GPC5: variants seen among roughly 807,000 people sequenced by gnomAD.
The protein encoded by GPC5 is glypican-5.
Under a neutral mutation model 53.9 loss-of-function variants are expected in GPC5, and 47 were observed. The ratio of observed to expected loss-of-function variants is 0.87; its 90% CI spans 0.69 to 1.11. The LOEUF is 1.11. GPC5 is among the 50% of genes most tolerant of loss of function. The probability of loss-of-function intolerance (pLI) is 0.00; values close to 1 mark genes in which losing one functional copy is unlikely to be tolerated. For synonymous variants in GPC5, 286 were observed against 263.3 expected (o/e 1.09, Z -0.84); for missense variants, 748 against 713.1 (o/e 1.05, Z -0.56).
intron 7 of GPC5, among the ~76,000 whole-genome samples, chr13:92,174,361 A>G (rs1373845499): frequency 8.1e-6 from 1 of 123,666 alleles, no homozygotes; most frequent in Non-Finnish European, 1.6e-5. Context: ...CTCTACTAAA[A>G]ACACAAAAAA....
rs936311525 is a variant in GPC5, at chr13:92,806,613, T to C, written c.1562-59669T>C. Among the ~76,000 whole-genome samples, 7 of 152,076 alleles carry C rather than the reference T, an allele frequency of 4.6e-5. No individual in the cohort carries two copies. The East Asian group carries it at 9.7e-4, about 21-fold the overall frequency. ...TATCAATGAAGCACCTAGAGGATAT[T>C]TTAGGGTTATTAATTAGCCTATTTT... On this transcript the variant is annotated intron_variant, in intron 7 of 7. Coordinates refer to ENST00000377067, the MANE Select transcript of GPC5 (RefSeq NM_004466.6).
At chr13:92,526,523 G>T (rs905375278) in intron 7 of GPC5, among the ~76,000 whole-genome samples, 4 of 152,000 alleles carry the variant, frequency 2.6e-5, no homozygotes, top group African/African-American at 9.7e-5. Flanking sequence ...GACCTTGTAA[G>T]GTAGGACCTT....
At chr13:92,034,638 C>T (rs369010115) in intron 6 of GPC5, among the ~76,000 whole-genome samples, 15 of 152,084 alleles carry the variant, frequency 9.9e-5, no homozygotes, top group African/African-American at 3.6e-4. Context: ...AGATGCTTAC[C>T]TGTATGTTCA....
chr13:92,474,466 C>G (rs1489606889), intron 7 of GPC5, among the ~76,000 whole-genome samples: 1 of 151,934 alleles, frequency 6.6e-6, no homozygotes, highest in Non-Finnish European at 1.5e-5. Context: ...AGTAATAGAT[C>G]TTCAAATTAT....
chr13:91,635,776 C>T (rs903044782), intron 2 of GPC5, among the ~76,000 whole-genome samples: 1 of 152,096 alleles, frequency 6.6e-6, no homozygotes, highest in Non-Finnish European at 1.5e-5. Flanking sequence ...GAGGTTTACA[C>T]TTGCAGATAA....
At chr13:92,597,017 C>T (rs2139075256) in intron 7 of GPC5, among the ~76,000 whole-genome samples, 1 of 152,260 alleles carries the variant, frequency 6.6e-6, no homozygotes, top group East Asian at 1.9e-4. Context: ...TTATTAATTT[C>T]CCCCTCTTCA....
chr13:91,615,378 T>C (rs1235692573), intron 2 of GPC5, among the ~76,000 whole-genome samples: 1 of 152,116 alleles, frequency 6.6e-6, no homozygotes, highest in African/African-American at 2.4e-5. Flanking sequence ...AAAATATGAA[T>C]TGGAAGTTGC....
At chr13:91,660,671 T>G (rs16946441) in intron 2 of GPC5, among the ~76,000 whole-genome samples, 1 of 152,146 alleles carries the variant, frequency 6.6e-6, no homozygotes, top group African/African-American at 2.4e-5. Flanking sequence ...CTTTTGTTAA[T>G]CAGATCACCA....
intron 6 of GPC5, among the ~76,000 whole-genome samples, chr13:92,107,903 T>G (rs2041522586): frequency 6.6e-6 from 1 of 152,186 alleles, no homozygotes; most frequent in Non-Finnish European, 1.5e-5. Context: ...CCTGAGCAGA[T>G]TTGTTCTCTA....
At chr13:92,848,052 A>G (rs1033760493) in intron 7 of GPC5, among the ~76,000 whole-genome samples, 1 of 152,168 alleles carries the variant, frequency 6.6e-6, no homozygotes, top group African/African-American at 2.4e-5. Flanking sequence ...TAGAACTGAG[A>G]GTCAGGAGGC....
intron 5 of GPC5, among the ~76,000 whole-genome samples, chr13:91,886,271 T>A (rs929572047): frequency 6.6e-6 from 1 of 152,102 alleles, no homozygotes; most frequent in African/African-American, 2.4e-5. Context: ...GTGAGACTTA[T>A]TCACTATCAT....
chr13:91,621,761 T>TATGTATATATATATATATA (rs11462875), intron 2 of GPC5, among the ~76,000 whole-genome samples: 1 of 46,866 alleles, frequency 2.1e-5, no homozygotes, highest in South Asian at 7.5e-4. Context: ...GGACAGAACA[T>TATGTATATATATATATATA]TATATATATA....
At chr13:92,622,712 G>A (rs1234900919) in intron 7 of GPC5, among the ~76,000 whole-genome samples, 7 of 152,076 alleles carry the variant, frequency 4.6e-5, no homozygotes, top group African/African-American at 4.8e-5. Flanking sequence ...TTACTGGCAT[G>A]AGCCACCATG....
intron 1 of GPC5, among the ~76,000 whole-genome samples, chr13:91,402,928 G>C (rs1024437125): frequency 6.6e-6 from 1 of 152,160 alleles, no homozygotes; most frequent in African/African-American, 2.4e-5. Context: ...ATGAAACAAG[G>C]CTGCGCTGCT....
At chr13:92,587,882 T>G in intron 7 of GPC5, among the ~76,000 whole-genome samples, 1 of 151,888 alleles carries the variant, frequency 6.6e-6, no homozygotes, top group East Asian at 1.9e-4. Flanking sequence ...ATAGATCAGG[T>G]TTTTTGGGGT....
intron 7 of GPC5, among the ~76,000 whole-genome samples, chr13:92,602,158 C>A (rs1393083230): frequency 7.2e-6 from 1 of 138,990 alleles, no homozygotes; most frequent in Non-Finnish European, 1.5e-5. Context: ...TATATACACA[C>A]TATATACAAA....
At chr13:92,219,706 CACAACCA>C (rs1461590825) in intron 7 of GPC5, among the ~76,000 whole-genome samples, 1 of 152,140 alleles carries the variant, frequency 6.6e-6, no homozygotes, top group African/African-American at 2.4e-5. Context: ...GGTCACCTTC[CACAACCA>C]ATCAGATGTT....
chr13:91,896,011 G>C (rs2039437571), intron 5 of GPC5, among the ~76,000 whole-genome samples: 1 of 151,664 alleles, frequency 6.6e-6, no homozygotes, highest in Admixed American at 6.6e-5. Flanking sequence ...CTCCATTTCT[G>C]TCTGTAAAAA....
At chr13:92,774,461 C>T (rs575606450) in intron 7 of GPC5, among the ~76,000 whole-genome samples, 108 of 152,278 alleles carry the variant, frequency 7.1e-4, no homozygotes, top group Non-Finnish European at 1.2e-3. Context: ...CTGAAGGATA[C>T]ATAGTTCCTA....
Sources: allele counts gnomAD v4.1 joint callset (sites outside exome capture counted in the v4.1 genomes callset), GRCh38; gene constraint gnomAD v4.1.1; transcripts MANE v1.5; gene names NCBI Gene and HGNC (gene_info 2026-07-23, HGNC 2026-07-21).